The following AOPEP variants were observed in gnomAD, a reference collection of about 807,000 sequenced individuals.
AOPEP encodes the protein aminopeptidase O (putative).
A neutral mutation model predicts 98.1 loss-of-function variants in AOPEP; 77 were observed. The ratio of observed to expected loss-of-function variants is 0.78; its 90% CI spans 0.65 to 0.95. The LOEUF (loss-of-function observed/expected upper bound fraction) is 0.95, where lower values mean the gene tolerates loss of function less well. Among genes scored for constraint, AOPEP ranks in the 40% least tolerant of loss-of-function variants. AOPEP has a pLI of 0.00. For synonymous variants in AOPEP, 346 were observed against 365.3 expected, an observed-to-expected ratio of 0.95 and a Z score of 0.60; for missense variants, 1,024 against 1,024.7, an observed-to-expected ratio of 1.00 and a Z score of 0.01.
chr9:94,888,086 CA>C (rs1199066574), intron 5 of AOPEP, among the ~76,000 whole-genome samples: 1 of 152,142 alleles, frequency 6.6e-6, no homozygotes, highest in Non-Finnish European at 1.5e-5. Flanking sequence ...ATTATAGTAG[CA>C]CCTAACTAAT....
intron 5 of AOPEP, among the ~76,000 whole-genome samples, chr9:94,834,265 A>G (rs1287975931): frequency 6.6e-6 from 1 of 152,212 alleles, no homozygotes; most frequent in Non-Finnish European, 1.5e-5. Flanking sequence ...TCTTCAAAAG[A>G]TACATTGCAA....
chr9:95,091,585 C>T (rs943552774), downstream of AOPEP, among the ~76,000 whole-genome samples: 1 of 152,108 alleles, frequency 6.6e-6, no homozygotes, highest in South Asian at 2.1e-4. Flanking sequence ...CTCCCAGGGT[C>T]GTTCCCAGCA....
At chr9:94,948,479 G>A (rs368238882) in intron 7 of AOPEP, among the ~76,000 whole-genome samples, 8 of 150,978 alleles carry the variant, frequency 5.3e-5, no homozygotes, top group African/African-American at 1.2e-4. Flanking sequence ...GTTCAATAAC[G>A]TCATCACAAA....
In AOPEP at chr9:95,082,645, G is replaced by C. The variant is rs1312402335; in HGVS notation, c.2390G>C (p.Arg797Thr). 4 of 1,614,136 alleles carry C rather than the reference G, an allele frequency of 2.5e-6. No homozygotes were observed. The African/African-American group carries it at 5.3e-5, about 22-fold the overall frequency. The change falls in exon 16 of 17, where the codon AGG becomes ACG. Residue 797 changes from arginine to threonine, a missense_variant. Physicochemically the swap from Arg to Thr is moderately conservative, Grantham distance 71. Around this residue, in one of 3 missense-constraint regions of AOPEP, gnomAD observed 566 missense variants for 551.7 expected, o/e 1.03. Transcript: ENST00000375315. ...EDARQQQLARRCFERTKEQMD... is the reference protein window; with the variant it reads ...EDARQQQLARTCFERTKEQMD... ...GCCAGACAGCAGCAGCTCGCCCGTA[G>C]GTGCTTCGAGCGGACCAAGGAGCAG...
At chr9:95,073,305 G>A (rs186402377) in intron 14 of AOPEP, among the ~76,000 whole-genome samples, 35 of 152,280 alleles carry the variant, frequency 2.3e-4, no homozygotes, top group Middle Eastern at 3.4e-3. Context: ...GTGGGGCCTG[G>A]TTAGAGCAGC....
At chr9:94,775,579 A>G (rs1841906767) in intron 3 of AOPEP, among the ~76,000 whole-genome samples, 2 of 151,988 alleles carry the variant, frequency 1.3e-5, no homozygotes, top group Non-Finnish European at 2.9e-5. Context: ...GTTGGCCAGG[A>G]TGGTCTTGAT....
intron 7 of AOPEP, among the ~76,000 whole-genome samples, chr9:94,954,961 G>A (rs1298743876): frequency 1.3e-5 from 2 of 152,136 alleles, no homozygotes; most frequent in African/African-American, 4.8e-5. Context: ...ATAAATTGAT[G>A]TAAAATATTT....
chr9:94,978,340 T>G (rs145110733), intron 10 of AOPEP, among the ~76,000 whole-genome samples: 50 of 152,230 alleles, frequency 3.3e-4, no homozygotes, highest in Middle Eastern at 3.4e-3. Context: ...ATATTATCTT[T>G]AAAAGGAATG....
chr9:94,956,919 T>C (rs1236704826), intron 9 of AOPEP, among the ~76,000 whole-genome samples: 1 of 152,238 alleles, frequency 6.6e-6, no homozygotes, highest in Non-Finnish European at 1.5e-5. Flanking sequence ...CAAGACCGGA[T>C]GGCTGTTCCT....
intron 3 of AOPEP, among the ~76,000 whole-genome samples, chr9:94,783,842 CAT>C (rs1357242477): frequency 1.3e-5 from 2 of 151,950 alleles, no homozygotes; most frequent in African/African-American, 4.8e-5. Context: ...GTAATCATAA[CAT>C]ATATAATAGT....
At chr9:94,739,294 T>C (rs1318825301) in intron 1 of AOPEP, among the ~76,000 whole-genome samples, 2 of 152,196 alleles carry the variant, frequency 1.3e-5, no homozygotes, top group Non-Finnish European at 2.9e-5. Context: ...TTACTAATCC[T>C]TATGGAAAAA....
the AOPEP span, chr9:95,111,618 C>G: frequency 1.9e-6 from 3 of 1,614,188 alleles, no homozygotes; most frequent in South Asian, 1.1e-5. Flanking sequence ...AACCAGCTCT[C>G]AAAGGGACCT....
chr9:94,781,802 C>T (rs113711616), intron 3 of AOPEP, among the ~76,000 whole-genome samples: 21,288 of 150,654 alleles, frequency 0.14, 1,657 homozygotes, highest in Admixed American at 0.19. Context: ...TCTTGTGATC[C>T]GCCCGCCTTG....
intron 7 of AOPEP, among the ~76,000 whole-genome samples, chr9:94,935,847 A>G (rs985315400): frequency 5.3e-5 from 8 of 152,046 alleles, no homozygotes; most frequent in African/African-American, 1.7e-4. Context: ...CCCCACAGTC[A>G]TCTCTTACTG....
At chr9:94,884,983 T>C (rs1204321333) in intron 5 of AOPEP, among the ~76,000 whole-genome samples, 11 of 133,324 alleles carry the variant, frequency 8.3e-5, no homozygotes, top group African/African-American at 3.2e-4. Flanking sequence ...CACTCCAGCC[T>C]GGGCGACAGA....
At chr9:94,915,875 CACA>C (rs2052722358) in intron 5 of AOPEP, among the ~76,000 whole-genome samples, 1 of 152,194 alleles carries the variant, frequency 6.6e-6, no homozygotes, top group Non-Finnish European at 1.5e-5. Flanking sequence ...AGGAAATCCC[CACA>C]ACTTTTTCCA....
At chr9:95,042,018 A>G (rs1157760595) in intron 13 of AOPEP, among the ~76,000 whole-genome samples, 1 of 152,144 alleles carries the variant, frequency 6.6e-6, no homozygotes, top group Non-Finnish European at 1.5e-5. Context: ...AAGAGCTTTT[A>G]AAGGATGTCA....
rs12339638 is a variant in AOPEP, at chr9:94,753,691, G to A, written c.-135-5958G>A. 3.3e-3 allele frequency among the ~76,000 whole-genome samples: 498 copies of A among 152,202 alleles called. 5 individuals carry two copies. The highest frequency in any genetic ancestry group is 0.011 in the African/African-American group (475 of 41,530). ...AAATGATAATTATATTTTTTAAATA[G>A]CCAGCCAAATGTTGTTTTAAAAAGA... On this transcript the variant is annotated intron_variant, in intron 1 of 16. Transcript: ENST00000375315.
chr9:94,828,779 A>G (rs1855243791), intron 5 of AOPEP, among the ~76,000 whole-genome samples: 2 of 151,472 alleles, frequency 1.3e-5, no homozygotes, highest in African/African-American at 2.4e-5. Flanking sequence ...TAAATCACAT[A>G]CTTTAGTTAT....
Sources: gnomAD v4.1 joint callset for allele counts (sites outside exome capture counted in the v4.1 genomes callset) on GRCh38, gnomAD v4.1.1 for gene constraint, gnomAD v4.1.1 regional missense constraint, MANE v1.5 for transcripts, NCBI Gene and HGNC (gene_info 2026-07-23, HGNC 2026-07-21) for gene names.